Variants in LTBP1 observed in about 807,000 individuals in gnomAD.
LTBP1 encodes latent-transforming growth factor beta-binding protein 1.
Under a neutral mutation model 207.6 loss-of-function variants are expected in LTBP1, and 129 were observed. That is an observed-to-expected ratio of 0.62 (90% CI 0.54 to 0.72). The LOEUF (loss-of-function observed/expected upper bound fraction) is 0.72, where lower values mean the gene tolerates loss of function less well. Among genes scored for constraint, LTBP1 ranks in the 30% least tolerant of loss-of-function variants. The pLI is 0.00. For synonymous variants in LTBP1, 963 were observed against 833.7 expected, an observed-to-expected ratio of 1.16 and a Z score of -2.67; for missense variants, 2,281 against 2,217.2, an observed-to-expected ratio of 1.03 and a Z score of -0.58.
chr2:33,030,615 C>G (rs1308181190), intron 3 of LTBP1, among the ~76,000 whole-genome samples: 1 of 152,220 alleles, frequency 6.6e-6, no homozygotes, highest in Admixed American at 6.5e-5. Flanking sequence ...AGTTGAAACA[C>G]TTCACAGTCT....
rs1676305500 is a variant in LTBP1, at chr2:32,947,227, G to C, written c.-98G>C. On this transcript the variant is annotated 5_prime_UTR_variant, in exon 1 of 34. Coordinates refer to ENST00000404816, the MANE Select transcript of LTBP1 (RefSeq NM_206943.4). ...TCCCGCCTTTCCCGGGCTCTCGGCAGCTCTCGGGGGAGCCCGAACGCGCGG... is the reference window on the plus strand; with the variant it reads ...TCCCGCCTTTCCCGGGCTCTCGGCACCTCTCGGGGGAGCCCGAACGCGCGG... 6 of 957,750 alleles carry C rather than the reference G, an allele frequency of 6.3e-6. No homozygotes were observed. Among genetic ancestry groups the C allele is most frequent in the Non-Finnish European group, 8.0e-6 (6 of 745,728 alleles). 59.3% of individuals were successfully genotyped at this position (957,750 alleles called of 1,614,324 possible). A position where few individuals can be genotyped will look rare whatever the true frequency, so the allele number is the denominator to read the frequency against.
At chr2:33,293,985 T>C (rs1208070056) in intron 20 of LTBP1, among the ~76,000 whole-genome samples, 1 of 146,106 alleles carries the variant, frequency 6.8e-6, no homozygotes, top group Non-Finnish European at 1.5e-5. Context: ...TGAACAAAAC[T>C]GGTACAGGTC....
intron 9 of LTBP1, among the ~76,000 whole-genome samples, chr2:33,226,611 CTTAATAATATGCTAA>C (rs146951327): frequency 0.078 from 11,834 of 152,244 alleles, 1,020 homozygotes; most frequent in African/African-American, 0.21. Flanking sequence ...AATACTCACT[CTTAATAATATGCTAA>C]TTAAGGGGCA....
chr2:33,201,394 C>T (rs555307138), intron 7 of LTBP1, among the ~76,000 whole-genome samples: 52 of 151,232 alleles, frequency 3.4e-4, no homozygotes, highest in Non-Finnish European at 4.7e-4. Flanking sequence ...AACCAAACAC[C>T]GCATATTCTC....
intron 22 of LTBP1, among the ~76,000 whole-genome samples, chr2:33,302,231 C>T (rs1361905213): frequency 3.3e-5 from 5 of 152,168 alleles, no homozygotes; most frequent in Non-Finnish European, 7.3e-5. Flanking sequence ...CTTTTACCAC[C>T]GGTCTGTCAC....
chr2:33,081,975 A>G (rs1324854908), intron 3 of LTBP1, among the ~76,000 whole-genome samples: 1 of 152,118 alleles, frequency 6.6e-6, no homozygotes, highest in Non-Finnish European at 1.5e-5. Flanking sequence ...AACTTGAGTC[A>G]ATTAAACTTT....
chr2:33,257,601 T>A (rs754065863), intron 12 of LTBP1, 90 bp downstream of exon 12: 32 of 1,088,252 alleles, frequency 2.9e-5, no homozygotes, highest in Non-Finnish European at 4.3e-5. Context: ...GAACAGAGTT[T>A]CTCAGCCTAA....
At chr2:33,379,731 T>C (rs545628455) in intron 31 of LTBP1, among the ~76,000 whole-genome samples, 2 of 152,370 alleles carry the variant, frequency 1.3e-5, no homozygotes, top group Admixed American at 1.3e-4. Flanking sequence ...TGCAGTGATG[T>C]CTTACTTCCT....
At chr2:33,379,469 A>C (rs2095187595) in intron 31 of LTBP1, among the ~76,000 whole-genome samples, 2 of 152,158 alleles carry the variant, frequency 1.3e-5, no homozygotes, top group African/African-American at 4.8e-5. Context: ...TCGGCCTCCC[A>C]AAGTGCTGGG....
chr2:33,181,209 C>G (rs916939492), intron 5 of LTBP1, among the ~76,000 whole-genome samples: 4 of 152,120 alleles, frequency 2.6e-5, no homozygotes, highest in Admixed American at 2.0e-4. Context: ...TTATAGTCAG[C>G]TAAGATAACA....
chr2:33,074,664 A>G (rs1453006294), intron 3 of LTBP1, among the ~76,000 whole-genome samples: 1 of 152,072 alleles, frequency 6.6e-6, no homozygotes, highest in Non-Finnish European at 1.5e-5. Flanking sequence ...AGGTCAGGAG[A>G]TCGAGACCAT....
At chr2:33,276,030 T>C in intron 18 of LTBP1, 107 bp downstream of exon 18, 1 of 1,363,722 alleles carries the variant, frequency 7.3e-7, no homozygotes, top group Non-Finnish European at 9.7e-7. Flanking sequence ...GACACCAGTT[T>C]ATCCAAGCTC....
At chr2:33,384,645 A>T (rs928307633) in intron 31 of LTBP1, among the ~76,000 whole-genome samples, 2 of 152,244 alleles carry the variant, frequency 1.3e-5, no homozygotes, top group Admixed American at 6.5e-5. Flanking sequence ...TTCTAAGGAC[A>T]GAAAATGTGT....
At chr2:33,090,434 G>A (rs1429539859) in intron 3 of LTBP1, among the ~76,000 whole-genome samples, 2 of 152,160 alleles carry the variant, frequency 1.3e-5, no homozygotes, top group Non-Finnish European at 2.9e-5. Flanking sequence ...TAACTCTTGA[G>A]TGCTATCTCA....
At chr2:33,290,823 C>T (rs2093759621) in intron 19 of LTBP1, among the ~76,000 whole-genome samples, 1 of 152,126 alleles carries the variant, frequency 6.6e-6, no homozygotes, top group African/African-American at 2.4e-5. Context: ...TCAGAGGTAC[C>T]TGGGGGACAT....
intron 2 of LTBP1, among the ~76,000 whole-genome samples, chr2:32,959,621 A>ATATATATATTTTTTTTTTTT (rs1475834284): frequency 5.5e-5 from 2 of 36,666 alleles, no homozygotes; most frequent in African/African-American, 9.6e-5. Context: ...ATATATATAT[A>ATATATATATTTTTTTTTTTT]TTTTTTTTTT....
At chr2:32,947,925 G>GGAGC in intron 1 of LTBP1, 107 bp downstream of exon 1, 1 of 1,009,044 alleles carries the variant, frequency 9.9e-7, no homozygotes, top group Non-Finnish European at 1.3e-6. Flanking sequence ...CAGGGCGGTC[G>GGAGC]CGCGCGGTGG....
chr2:33,054,413 CT>C (rs558201371), intron 3 of LTBP1, among the ~76,000 whole-genome samples: 1 of 152,294 alleles, frequency 6.6e-6, no homozygotes, highest in East Asian at 1.9e-4. Flanking sequence ...ATTTTTTAGC[CT>C]TCCAAATTGT....
At chr2:33,293,429 G>A in intron 20 of LTBP1, 147 bp downstream of exon 20, 2 of 671,420 alleles carry the variant, frequency 3.0e-6, no homozygotes, top group Non-Finnish European at 4.7e-6. Flanking sequence ...TTGGCTGAAA[G>A]TGGCTCCTTG....
Sources: allele counts gnomAD v4.1 joint callset (sites outside exome capture counted in the v4.1 genomes callset), GRCh38; gene constraint gnomAD v4.1.1; transcripts MANE v1.5; gene names NCBI Gene and HGNC (gene_info 2026-07-23, HGNC 2026-07-21).